The following BRIP1 variants were observed in gnomAD, a reference collection of about 807,000 sequenced individuals.
BRIP1 encodes the protein Fanconi anemia group J protein.
BRIP1 carries 88 observed loss-of-function variants against 119.7 expected under a neutral mutation model. The observed-to-expected ratio is 0.74, with a 90% CI of 0.62 to 0.88. The LOEUF is 0.88. Ranked by LOEUF, BRIP1 falls within the 40% of genes least tolerant of loss-of-function variation. The pLI, the probability that BRIP1 is intolerant of heterozygous loss-of-function variation, is 0.00. For missense variants in BRIP1, 1,259 were observed against 1,455.4 expected (o/e 0.87, Z 2.20); for synonymous variants, 443 against 496.5 (o/e 0.89, Z 1.43).
Position 61,807,979 on chromosome 17 carries a change from A to G in BRIP1, c.918+488T>C, listed in dbSNP as rs2078098813. 6.6e-6 allele frequency among the ~76,000 whole-genome samples: 1 copy of G among 152,122 alleles called. No individual in the cohort carries two copies. Among genetic ancestry groups the G allele is most frequent in the South Asian group, 2.1e-4 (1 of 4,830 alleles). ...AATAATTTAGTATAACTTTTAAAAG[A>G]GGGGTTTGTATTTATCAGAATTATG... On this transcript the variant is annotated intron_variant, in intron 7 of 19. Coordinates refer to ENST00000259008, the MANE Select transcript of BRIP1 (RefSeq NM_032043.3). The surrounding 1 kb of genome is among the most constrained non-coding windows in gnomAD (Gnocchi z 4.5).
In BRIP1 at chr17:61,744,736, T is replaced by G. The variant is rs2077037127; in HGVS notation, c.2098-145A>C. Reference sequence around the variant, plus strand: ...TATAAAATGAGGAAAACAATATATCTCATAGAGCTGTTATGGGGTTAAATT... The same window carrying G: ...TATAAAATGAGGAAAACAATATATCGCATAGAGCTGTTATGGGGTTAAATT... On this transcript the variant is annotated intron_variant, in intron 14 of 19. Transcript: ENST00000259008. This position sits in a 1 kb window ranked among gnomAD's most constrained non-coding sequence, Gnocchi z 5.0. 3.3e-5 allele frequency: 25 copies of G among 764,610 alleles called. No homozygotes were observed. In the South Asian group the frequency reaches 4.1e-4, roughly 12 times the overall value. 47.4% of individuals were successfully genotyped at this position (764,610 alleles called of 1,614,324 possible). A position where few individuals can be genotyped will look rare whatever the true frequency, so the allele number is the denominator to read the frequency against.
rs1400808968 is a variant in BRIP1, at chr17:61,695,348, ATC to A, written c.2493-1838_2493-1837del. 1.2e-4 allele frequency among the ~76,000 whole-genome samples: 19 copies of A among 152,260 alleles called. No homozygotes were observed. Among genetic ancestry groups the A allele is most frequent in the Admixed American group, 1.2e-3 (19 of 15,304 alleles). On this transcript the variant is annotated intron_variant, in intron 17 of 19. Transcript: ENST00000259008. This position sits in a 1 kb window ranked among gnomAD's most constrained non-coding sequence, Gnocchi z 4.3. The stretch of plus-strand genomic sequence containing the variant: ...CTCAATTCTACCCATTGATCTATAC[ATC>A]TGTCTTTATGCCAGTACAACATAGT...
At chr17:61,741,658 G>A (rs1254669537) in intron 16 of BRIP1, among the ~76,000 whole-genome samples, 2 of 152,190 alleles carry the variant, frequency 1.3e-5, no homozygotes, top group South Asian at 2.1e-4. Flanking sequence ...TGGTTAATGA[G>A]CAGTAATATT....
chr17:61,715,892 T>G, intron 17 of BRIP1, 59 bp downstream of exon 17: 1 of 1,125,212 alleles, frequency 8.9e-7, no homozygotes. Context: ...GTAGCAAGAC[T>G]AGATTTATAT....
rs2077166993 is a variant in BRIP1, at chr17:61,753,894, G to A, written c.2098-9303C>T. Among the ~76,000 whole-genome samples the A allele has an allele frequency of 6.6e-6, 1 of 152,146 alleles. No homozygotes were observed. Among genetic ancestry groups the A allele is most frequent in the Non-Finnish European group, 1.5e-5 (1 of 68,028 alleles). On this transcript the variant is annotated intron_variant, in intron 14 of 19. Coordinates refer to ENST00000259008, the MANE Select transcript of BRIP1 (RefSeq NM_032043.3). The surrounding 1 kb of genome is among the most constrained non-coding windows in gnomAD (Gnocchi z 4.6). ...GGCTTCCCAAAGGGATTATATGCATGAGCCACCACACCCAGCCCCTCATCT... is the reference window on the plus strand; with the variant it reads ...GGCTTCCCAAAGGGATTATATGCATAAGCCACCACACCCAGCCCCTCATCT...
chr17:61,821,449 A>AG (rs540525761), intron 6 of BRIP1, among the ~76,000 whole-genome samples: 118 of 152,104 alleles, frequency 7.8e-4, no homozygotes, highest in African/African-American at 2.2e-3. Context: ...AATCGGCCTT[A>AG]GGTTCCCTGC....
chr17:61,718,905 T>C (rs1488380387), intron 16 of BRIP1, among the ~76,000 whole-genome samples: 3 of 152,176 alleles, frequency 2.0e-5, no homozygotes, highest in African/African-American at 7.2e-5. Context: ...CTTTAAATAA[T>C]CTCTGGATTA....
rs2145246293 is a variant in BRIP1, at chr17:61,793,759, C to T, written c.1341-30G>A. ...AATAAAATAAAACAATTGTGTCAAC[C>T]AGTATCATCCTTACACACACTATTT... is the stretch of plus-strand genomic sequence containing the variant. On this transcript the variant is annotated intron_variant, in intron 9 of 19. Coordinates refer to ENST00000259008, the MANE Select transcript of BRIP1 (RefSeq NM_032043.3). This position sits in a 1 kb window ranked among gnomAD's most constrained non-coding sequence, Gnocchi z 5.2. The T allele has an allele frequency of 1.3e-6, 2 of 1,599,406 alleles. No homozygotes were observed. Among genetic ancestry groups the T allele is most frequent in the South Asian group, 1.1e-5 (1 of 90,424 alleles).
At position 61,761,507 on chromosome 17, in the gene BRIP1, C is replaced by T. The variant is rs369061264; in HGVS notation, c.2097+14894G>A. Among the ~76,000 whole-genome samples, 5 of 151,884 alleles carry T rather than the reference C, an allele frequency of 3.3e-5. No homozygotes were observed. In the South Asian group the frequency reaches 1.0e-3, roughly 32 times the overall value. On this transcript the variant is annotated intron_variant, in intron 14 of 19. Transcript: ENST00000259008. The surrounding 1 kb of genome is among the most constrained non-coding windows in gnomAD (Gnocchi z 6.4). ...GAAGACATAATCTTATATATAGAAA[C>T]CCCTAAAGACTACAACAAAAAACTG...
chr17:61,847,206 A>G lies in BRIP1; in HGVS notation c.522T>C (p.His174=), dbSNP rs2145744936. 1 of 1,613,796 alleles carries G rather than the reference A, an allele frequency of 6.2e-7. No individual in the cohort carries two copies. Among genetic ancestry groups the G allele is most frequent in the Non-Finnish European group, 8.5e-7 (1 of 1,179,784 alleles). ...AATTGTGTACTTCTGTTCCAAAGCA[A>G]TGACGTTTTCTAATCTGTAAACACA... ...LETTQQIRKR[H]CFGTEVHNLD... The change falls in exon 6 of 20, where the codon CAT becomes CAC. Residue 174 remains histidine, a synonymous_variant. Coordinates refer to ENST00000259008, the MANE Select transcript of BRIP1 (RefSeq NM_032043.3).
intron 16 of BRIP1, among the ~76,000 whole-genome samples, chr17:61,727,137 T>G (rs2076776356): frequency 6.6e-6 from 1 of 152,134 alleles, no homozygotes; most frequent in South Asian, 2.1e-4. Flanking sequence ...TATATAACAC[T>G]GGAAAAAGGC....
chr17:61,749,759 C>CGTAA (rs1290700962), intron 14 of BRIP1, among the ~76,000 whole-genome samples: 1 of 152,050 alleles, frequency 6.6e-6, no homozygotes, highest in Non-Finnish European at 1.5e-5. Context: ...AGTCTTTTAC[C>CGTAA]TCCTTAAGTT....
In BRIP1 at chr17:61,730,325, A is replaced by T. The variant is rs1157410299; in HGVS notation, c.2379+12688T>A. Among the ~76,000 whole-genome samples, 2 of 152,204 alleles carry T rather than the reference A, an allele frequency of 1.3e-5. No homozygotes were observed. The highest frequency in any genetic ancestry group is 1.5e-5 in the Non-Finnish European group (1 of 68,028). On this transcript the variant is annotated intron_variant, in intron 16 of 19. Coordinates refer to ENST00000259008, the MANE Select transcript of BRIP1 (RefSeq NM_032043.3). The surrounding 1 kb of genome is among the most constrained non-coding windows in gnomAD (Gnocchi z 4.3). Reference sequence around the variant, plus strand: ...ATGTCTACAATCTGTAGGCATTGAGAGAATTTGACTGAATAAACTGATTAA... The same window carrying T: ...ATGTCTACAATCTGTAGGCATTGAGTGAATTTGACTGAATAAACTGATTAA...
intron 6 of BRIP1, among the ~76,000 whole-genome samples, chr17:61,813,938 A>T (rs996099155): frequency 1.3e-5 from 2 of 152,130 alleles, no homozygotes; most frequent in Admixed American, 6.5e-5. Flanking sequence ...ATATTATTTT[A>T]TGAATGCAAT....
Position 61,852,115 on chromosome 17 carries a change from G to A in BRIP1, c.380-2859C>T, listed in dbSNP as rs1309581375. Among the ~76,000 whole-genome samples the A allele has an allele frequency of 6.6e-6, 1 of 152,186 alleles. No homozygotes were observed. Among genetic ancestry groups the A allele is most frequent in the Admixed American group, 6.5e-5 (1 of 15,280 alleles). On this transcript the variant is annotated intron_variant, in intron 4 of 19. Transcript: ENST00000259008. The surrounding 1 kb of genome is among the most constrained non-coding windows in gnomAD (Gnocchi z 4.9). ...CTGACATGGGCCTATTAAGAGGGTA[G>A]GGAATGTCCACCCAAAATGATCATT...
At position 61,739,634 on chromosome 17, in the gene BRIP1, G is replaced by A. The variant is rs1361135110; in HGVS notation, c.2379+3379C>T. On this transcript the variant is annotated intron_variant, in intron 16 of 19. Transcript: ENST00000259008. This position sits in a 1 kb window ranked among gnomAD's most constrained non-coding sequence, Gnocchi z 6.0. The stretch of plus-strand genomic sequence containing the variant: ...TAAAAGAAAAATTATCTAATTCACA[G>A]TACCTAGTAAAGTATTAACAATTAA... Among the ~76,000 whole-genome samples, 1 of 152,120 alleles carries A rather than the reference G, an allele frequency of 6.6e-6. No individual in the cohort carries two copies. The highest frequency in any genetic ancestry group is 2.4e-5 in the African/African-American group (1 of 41,422).
Position 61,755,691 on chromosome 17 carries a change from T to C in BRIP1, c.2098-11100A>G, listed in dbSNP as rs1246971006. Among the ~76,000 whole-genome samples, 2 of 152,352 alleles carry C rather than the reference T, an allele frequency of 1.3e-5. No homozygotes were observed. The highest frequency in any genetic ancestry group is 3.4e-3 in the Middle Eastern group (1 of 294). ...GACTAGCTAGACTAGACTAGTTTTCTCTTGGTGAGACTTTGTTCATTCATT... is the reference window on the plus strand; with the variant it reads ...GACTAGCTAGACTAGACTAGTTTTCCCTTGGTGAGACTTTGTTCATTCATT... On this transcript the variant is annotated intron_variant, in intron 14 of 19. Coordinates refer to ENST00000259008, the MANE Select transcript of BRIP1 (RefSeq NM_032043.3). The surrounding 1 kb of genome is among the most constrained non-coding windows in gnomAD (Gnocchi z 4.5).
chr17:61,782,706 T>C (rs898685650), intron 11 of BRIP1, among the ~76,000 whole-genome samples: 1 of 33,200 alleles, frequency 3.0e-5, no homozygotes, highest in Non-Finnish European at 6.0e-5. Flanking sequence ...AAGACTTCAA[T>C]AGATATTTCT....
rs1211541495 is a variant in BRIP1 at position 61,690,045 on chromosome 17, G to A, written c.2575+3385C>T. On this transcript the variant is annotated intron_variant, in intron 18 of 19. Transcript: ENST00000259008. This position sits in a 1 kb window ranked among gnomAD's most constrained non-coding sequence, Gnocchi z 5.6. The stretch of plus-strand genomic sequence containing the variant: ...TTTCTCAGGCGACATCTTGCATGCT[G>A]TAAGGAAGTGGGATGACATGTTTGA... Among the ~76,000 whole-genome samples, 1 of 152,152 alleles carries A rather than the reference G, an allele frequency of 6.6e-6. No homozygotes were observed. The highest frequency in any genetic ancestry group is 1.5e-5 in the Non-Finnish European group (1 of 68,024).
Sources: gnomAD v4.1 joint callset for allele counts (sites outside exome capture counted in the v4.1 genomes callset) on GRCh38, gnomAD v4.1.1 for gene constraint, Gnocchi (gnomAD v3.1) non-coding constraint, MANE v1.5 for transcripts, NCBI Gene and HGNC (gene_info 2026-07-23, HGNC 2026-07-21) for gene names.